FUT8: variants seen among roughly 807,000 people sequenced by gnomAD.
The protein encoded by FUT8 is fucosyltransferase 8.
FUT8 carries 29 observed loss-of-function variants against 71.3 expected under a neutral mutation model. The observed-to-expected ratio is 0.41, with a 90% confidence interval of 0.30 to 0.55. The LOEUF is 0.55. FUT8 is among the 20% of genes least tolerant of loss of function. The pLI, the probability that FUT8 is intolerant of heterozygous loss-of-function variation, is 0.34. For synonymous variants in FUT8, 254 were observed against 239.3 expected, an observed-to-expected ratio of 1.06 and a Z score of -0.57; for missense variants, 544 against 702.1, an observed-to-expected ratio of 0.77 and a Z score of 2.55.
At chr14:65,521,695 TA>T (rs1448872805) in intron 2 of FUT8, among the ~76,000 whole-genome samples, 1 of 152,202 alleles carries the variant, frequency 6.6e-6, no homozygotes, top group Non-Finnish European at 1.5e-5. Context: ...TCTTATATGT[TA>T]AAAAAATACA....
At chr14:65,400,624 A>T in the FUT8 span, among the ~76,000 whole-genome samples, 4 of 152,124 alleles carry the variant, frequency 2.6e-5, no homozygotes, top group Admixed American at 2.0e-4. Context: ...GGTGGCTCAC[A>T]CCTATAATCC....
chr14:65,694,694 C>T (rs1893892504), intron 7 of FUT8, among the ~76,000 whole-genome samples: 1 of 151,834 alleles, frequency 6.6e-6, no homozygotes, highest in Non-Finnish European at 1.5e-5. Context: ...ACATATACAC[C>T]ATGGAATACT....
intron 3 of FUT8, among the ~76,000 whole-genome samples, chr14:65,593,457 T>C (rs1249047730): frequency 1.3e-5 from 2 of 152,242 alleles, no homozygotes; most frequent in Non-Finnish European, 2.9e-5. Flanking sequence ...TCATAGTGTA[T>C]AGATACAGAT....
At chr14:65,738,150 A>G (rs556585451) in intron 10 of FUT8, among the ~76,000 whole-genome samples, 1 of 152,120 alleles carries the variant, frequency 6.6e-6, no homozygotes, top group Non-Finnish European at 1.5e-5. Flanking sequence ...TGCAGCTGTT[A>G]CTGCATTAAT....
At chr14:65,378,252 TAAGA>T in the FUT8 span, among the ~76,000 whole-genome samples, 1 of 152,060 alleles carries the variant, frequency 6.6e-6, no homozygotes, top group Non-Finnish European at 1.5e-5. Flanking sequence ...GGTGAGCTGC[TAAGA>T]AAGAGGTTGA....
At chr14:65,446,647 TTACATC>T (rs1810719660) in intron 1 of FUT8, among the ~76,000 whole-genome samples, 1 of 150,846 alleles carries the variant, frequency 6.6e-6, no homozygotes, top group South Asian at 2.1e-4. Flanking sequence ...ACTGAAATTG[TTACATC>T]TAAACCTGTG....
rs1885909848 is a variant in FUT8 at position 65,561,472 on chromosome 14, C to T, written c.-92C>T. ...CATCATGTGTTGAAACAACAGAAGT[C>T]TATTCACCTGTGCACTAACTAGAAA... On this transcript the variant is annotated 5_prime_UTR_variant, in exon 3 of 11. Transcript: ENST00000673929. The T allele has an allele frequency of 5.2e-6, 6 of 1,157,292 alleles. No individual in the cohort carries two copies. The highest frequency in any genetic ancestry group is 7.6e-6 in the Non-Finnish European group (6 of 784,794). The allele number at this position is 1,157,292 out of a possible 1,614,324, so 71.7% of individuals were successfully genotyped here. A position where few individuals can be genotyped will look rare whatever the true frequency, so the allele number is the denominator to read the frequency against.
chr14:65,693,059 A>G (rs1235099306), intron 7 of FUT8, among the ~76,000 whole-genome samples: 1 of 151,532 alleles, frequency 6.6e-6, no homozygotes, highest in Non-Finnish European at 1.5e-5. Context: ...CACATCCCAG[A>G]CAATGGGCAG....
intron 10 of FUT8, among the ~76,000 whole-genome samples, chr14:65,739,434 T>C (rs938479285): frequency 6.6e-6 from 1 of 152,074 alleles, no homozygotes; most frequent in East Asian, 1.9e-4. Context: ...CAACTCTTGA[T>C]AGCAAAACAT....
chr14:65,611,289 ACACACACACACACC>A lies in FUT8; in HGVS notation c.204-4687_204-4674del, dbSNP rs1566851533. Among the ~76,000 whole-genome samples, 312 of 44,468 alleles carry A rather than the reference ACACACACACACACC, an allele frequency of 7.0e-3. 47 individuals are homozygous for A. The highest frequency in any genetic ancestry group is 0.017 in the African/African-American group (156 of 8,928). 29.2% of individuals were successfully genotyped at this position (44,468 alleles called of 152,430 possible). A position where few individuals can be genotyped will look rare whatever the true frequency, so the allele number is the denominator to read the frequency against. ...CACACACACACACACACACACACAC[ACACACACACACACC>A]CCCCAAGTAATAGCCTTGATTTTGC... On this transcript the variant is annotated intron_variant, in intron 3 of 10. Coordinates refer to ENST00000673929, the MANE Select transcript of FUT8 (RefSeq NM_001371533.1).
chr14:65,535,130 C>T (rs193107083), intron 2 of FUT8, among the ~76,000 whole-genome samples: 10 of 151,194 alleles, frequency 6.6e-5, no homozygotes, highest in African/African-American at 1.2e-4. Flanking sequence ...GAGACAGTCT[C>T]GCTCTGTTGC....
chr14:65,545,999 T>G (rs765464146), intron 2 of FUT8, among the ~76,000 whole-genome samples: 15 of 151,874 alleles, frequency 9.9e-5, no homozygotes, highest in Admixed American at 4.6e-4. Context: ...GGACATAATT[T>G]AGGCATTTAA....
intron 7 of FUT8, among the ~76,000 whole-genome samples, chr14:65,679,921 AGT>A (rs1292268159): frequency 6.6e-6 from 1 of 152,116 alleles, no homozygotes; most frequent in Non-Finnish European, 1.5e-5. Context: ...CCCATTTGTT[AGT>A]GTGTTGTCTA....
intron 2 of FUT8, among the ~76,000 whole-genome samples, chr14:65,498,310 A>C (rs943388394): frequency 6.6e-6 from 1 of 152,102 alleles, no homozygotes; most frequent in African/African-American, 2.4e-5. Flanking sequence ...TTTAAACTTA[A>C]GTGTTTGGAA....
chr14:65,530,805 C>G (rs1883900133), intron 2 of FUT8, among the ~76,000 whole-genome samples: 1 of 150,896 alleles, frequency 6.6e-6, no homozygotes, highest in African/African-American at 2.4e-5. Flanking sequence ...CGTTCTCTCT[C>G]TCGCTCTTTC....
intron 2 of FUT8, among the ~76,000 whole-genome samples, chr14:65,511,777 G>A (rs902500565): frequency 1.3e-5 from 2 of 152,108 alleles, no homozygotes; most frequent in African/African-American, 2.4e-5. Context: ...TTCAATCTGT[G>A]TGTGTCTTTA....
intron 10 of FUT8, 108 bp downstream of exon 10, chr14:65,733,489 A>T (rs1299180619): frequency 2.6e-6 from 2 of 783,062 alleles, no homozygotes; most frequent in African/African-American, 3.6e-5. Flanking sequence ...ATTGTGACTC[A>T]GGTGCAATTT....
intron 3 of FUT8, among the ~76,000 whole-genome samples, chr14:65,599,537 T>C (rs1054983728): frequency 8.5e-5 from 13 of 152,224 alleles, no homozygotes; most frequent in African/African-American, 3.1e-4. Context: ...TGCTTTAGTT[T>C]GGACCTATGT....
In FUT8 at chr14:65,714,649, T is replaced by C. The variant is rs906408122; in HGVS notation, c.836-7126T>C. Reference sequence around the variant, plus strand: ...CATTGGTATTTTCATAGGGATTGCATTGAATCTGTAGATTGCTTTGGATAG... The same window carrying C: ...CATTGGTATTTTCATAGGGATTGCACTGAATCTGTAGATTGCTTTGGATAG... On this transcript the variant is annotated intron_variant, in intron 7 of 10. Coordinates refer to ENST00000673929, the MANE Select transcript of FUT8 (RefSeq NM_001371533.1). Among the ~76,000 whole-genome samples, 43 of 152,126 alleles carry C rather than the reference T, an allele frequency of 2.8e-4. 1 individual carries two copies. The highest frequency in any genetic ancestry group is 8.8e-5 in the Non-Finnish European group (6 of 68,032).
Sources: allele counts gnomAD v4.1 joint callset (sites outside exome capture counted in the v4.1 genomes callset), GRCh38; gene constraint gnomAD v4.1.1; transcripts MANE v1.5; gene names NCBI Gene and HGNC (gene_info 2026-07-23, HGNC 2026-07-21).